The following PLPPR4 variants were observed in gnomAD, a reference collection of about 807,000 sequenced individuals.
The protein encoded by PLPPR4 is phospholipid phosphatase related 4.
A neutral mutation model predicts 56.6 loss-of-function variants in PLPPR4; 24 were observed. That is an observed-to-expected ratio of 0.42 (90% confidence interval 0.31 to 0.60). PLPPR4 has a LOEUF of 0.60. Ranked by LOEUF, PLPPR4 falls within the 20% of genes least tolerant of loss-of-function variation. The probability of loss-of-function intolerance (pLI) is 0.13; values close to 1 mark genes in which losing one functional copy is unlikely to be tolerated. For synonymous variants in PLPPR4, 326 were observed against 328.1 expected, an observed-to-expected ratio of 0.99 and a Z score of 0.07; for missense variants, 654 against 885.8, an observed-to-expected ratio of 0.74 and a Z score of 3.32.
At chr1:99,298,772 A>G (rs1229251712) in intron 3 of PLPPR4, 1 of 603,784 alleles carries the variant, frequency 1.7e-6, no homozygotes, top group Non-Finnish European at 2.9e-6. Context: ...CAAGTGACTT[A>G]CAGTTAATGT....
intron 2 of PLPPR4, 152 bp downstream of exon 2, chr1:99,288,302 A>C: frequency 1.7e-6 from 1 of 598,824 alleles, no homozygotes; most frequent in Admixed American, 3.5e-5. Context: ...TATCATGTGG[A>C]AGTTAATAGC....
Position 99,306,854 on chromosome 1 carries a change from A to C in PLPPR4, c.1992A>C (p.Glu664Asp). ...GCGTCACCCCAGTAGAGGGCAGCGA[A>C]ATTGGCTCAGAGACGCTGTCCATTT... ...TIRVTPVEGS[E>D]IGSETLSISS... Residue 664 changes from glutamate to aspartate, a missense_variant, in exon 7 of 7, where the codon GAA becomes GAC. Around this residue, in one of 2 missense-constraint regions of PLPPR4, gnomAD observed 468 missense variants for 554.3 expected, o/e 0.84. Coordinates refer to ENST00000370185, the MANE Select transcript of PLPPR4 (RefSeq NM_014839.5). This position sits in a 1 kb window ranked among gnomAD's most constrained non-coding sequence, Gnocchi z 4.0. 6.2e-7 allele frequency: 1 copy of C among 1,614,120 alleles called. No homozygotes were observed. Among genetic ancestry groups the C allele is most frequent in the South Asian group, 1.1e-5 (1 of 91,086 alleles).
chr1:99,266,506 C>T (rs774205685), intron 1 of PLPPR4, among the ~76,000 whole-genome samples: 2 of 152,204 alleles, frequency 1.3e-5, no homozygotes, highest in Non-Finnish European at 2.9e-5. Flanking sequence ...CCTCATAATG[C>T]AATTGAATTG....
chr1:99,296,459 C>T (rs978684369), intron 2 of PLPPR4, among the ~76,000 whole-genome samples: 2 of 152,090 alleles, frequency 1.3e-5, no homozygotes, highest in African/African-American at 4.8e-5. Flanking sequence ...TCTGCTCAAT[C>T]CCAAATTGGT....
At chr1:99,287,858 T>G in intron 1 of PLPPR4, 107 bp from the exon 2 acceptor site, 1 of 804,778 alleles carries the variant, frequency 1.2e-6, no homozygotes, top group Non-Finnish European at 2.0e-6. Flanking sequence ...TTTTTAACTC[T>G]GGAATCGGAG....
chr1:99,291,081 T>C (rs920495207), intron 2 of PLPPR4, among the ~76,000 whole-genome samples: 11 of 151,042 alleles, frequency 7.3e-5, no homozygotes, highest in African/African-American at 2.7e-4. Context: ...TGTAAGAAAC[T>C]TAAACAAATT....
In PLPPR4 at chr1:99,301,855, C is replaced by T. The variant is rs766871850; in HGVS notation, c.780C>T (p.Val260=). 1.2e-5 allele frequency: 20 copies of T among 1,611,752 alleles called. No homozygotes were observed. The South Asian group carries it at 1.7e-4, about 13-fold the overall frequency. ...AGTATAAGAACCACCCAGTTGATGT[C>T]TATTGTGGCTTTTTAATAGGAGGAG... ...ITQYKNHPVD[V]YCGFLIGGGI... Residue 260 remains valine (V), a synonymous_variant, in exon 6 of 7, where the codon GTC becomes GTT. Transcript: ENST00000370185.
intron 6 of PLPPR4, among the ~76,000 whole-genome samples, chr1:99,304,490 A>G (rs1047266343): frequency 6.6e-6 from 1 of 152,190 alleles, no homozygotes; most frequent in Non-Finnish European, 1.5e-5. Flanking sequence ...AGTTTAGTGG[A>G]GGATCTTCCC....
rs1340887066 is a variant in PLPPR4 at position 99,308,903 on chromosome 1, G to C, written c.*1893G>C. 1 of 152,496 alleles carries C rather than the reference G, an allele frequency of 6.6e-6. No individual in the cohort carries two copies. The highest frequency in any genetic ancestry group is 1.9e-4 in the East Asian group (1 of 5,198). The allele number at this position is 152,496 out of a possible 1,614,324, so 9.4% of individuals were successfully genotyped here. A position where few individuals can be genotyped will look rare whatever the true frequency, so the allele number is the denominator to read the frequency against. On this transcript the variant is annotated 3_prime_UTR_variant, in exon 7 of 7. Coordinates refer to ENST00000370185, the MANE Select transcript of PLPPR4 (RefSeq NM_014839.5). ...CTGTTTGTAGAGGAAAAGGTGGGCT[G>C]GTTTTAGTACTCTGAAGGACAAAAA... is the stretch of plus-strand genomic sequence containing the variant.
rs769444196 is a variant in PLPPR4 at position 99,301,762 on chromosome 1, T to C, written c.687T>C (p.Leu229=). The C allele has an allele frequency of 1.6e-5, 25 of 1,611,888 alleles. No individual in the cohort carries two copies. In the African/African-American group the frequency reaches 3.2e-4, roughly 21 times the overall value. The change falls in exon 6 of 7, where the codon CTT becomes CTC. Residue 229 remains leucine (L), a synonymous_variant. Coordinates refer to ENST00000370185, the MANE Select transcript of PLPPR4 (RefSeq NM_014839.5). ...FNSTLTDSSK[L]LKPLLVFTFI... Reference sequence around the variant, plus strand: ...CCACATTAACGGATTCCTCTAAGCTTCTGAAACCTCTCTTGGTCTTCACAT... The same window carrying C: ...CCACATTAACGGATTCCTCTAAGCTCCTGAAACCTCTCTTGGTCTTCACAT...
In PLPPR4 at chr1:99,301,800, G is replaced by A. The variant is rs1272108599; in HGVS notation, c.725G>A (p.Gly242Glu). Residue 242 changes from glycine (G) to glutamate (E), a missense_variant, in exon 6 of 7, where the codon GGA (glycine) becomes GAA (glutamate). Gly to Glu is a moderately conservative substitution (Grantham distance 98, BLOSUM62 -2). This residue lies in a region of PLPPR4 where 186 missense variants were observed against 331.4 expected (regional missense o/e 0.56). Transcript: ENST00000370185. ...TTGGTCTTCACATTTATCATCTGTG[G>A]AATAATCTGCGGGCTAACACGGATA... is the stretch of plus-strand genomic sequence containing the variant. ...PLLVFTFIICGIICGLTRITQ... is the reference protein window; with the variant it reads ...PLLVFTFIICEIICGLTRITQ... The A allele has an allele frequency of 6.2e-7, 1 of 1,612,476 alleles. No homozygotes were observed. Among genetic ancestry groups the A allele is most frequent in the Non-Finnish European group, 8.5e-7 (1 of 1,178,872 alleles).
Position 99,264,598 on chromosome 1 carries a change from C to A in PLPPR4, c.5C>A (p.Ser2Ter). 6.4e-7 allele frequency: 1 copy of A among 1,550,812 alleles called. No individual in the cohort carries two copies. The highest frequency in any genetic ancestry group is 8.7e-7 in the Non-Finnish European group (1 of 1,147,024). The change falls in exon 1 of 7, where the codon TCG becomes TAG. Residue 2 changes from serine (S) to a stop codon, truncating the protein, a stop_gained. Transcript: ENST00000370185. LOFTEE classifies it high-confidence loss of function. ...AGACCCGGGCAGGCGGCAGGGATGT[C>A]GGCGAAGGAGAGGCCAAAGGGCAAA... M[S>*]AKERPKGKVI...
intron 1 of PLPPR4, among the ~76,000 whole-genome samples, chr1:99,282,959 A>G (rs1045624384): frequency 1.0e-4 from 15 of 147,644 alleles, no homozygotes; most frequent in African/African-American, 3.7e-4. Context: ...TATATTATAT[A>G]TTATATATGT....
At chr1:99,282,753 C>T (rs908818956) in intron 1 of PLPPR4, among the ~76,000 whole-genome samples, 1 of 151,802 alleles carries the variant, frequency 6.6e-6, no homozygotes, top group Non-Finnish European at 1.5e-5. Flanking sequence ...ATCACTTCCT[C>T]CTTTTGATTA....
chr1:99,283,636 C>A (rs1659385518), intron 1 of PLPPR4, among the ~76,000 whole-genome samples: 1 of 152,184 alleles, frequency 6.6e-6, no homozygotes, highest in African/African-American at 2.4e-5. Context: ...TAATTTCCCT[C>A]CGCTCTATTG....
chr1:99,304,061 T>A (rs1055551747), intron 6 of PLPPR4, among the ~76,000 whole-genome samples: 1 of 152,196 alleles, frequency 6.6e-6, no homozygotes, highest in African/African-American at 2.4e-5. Context: ...TTTCTTCACC[T>A]ACAAAATAAA....
In PLPPR4 at chr1:99,308,277, A is replaced by G. The variant is rs892068417; in HGVS notation, c.*1267A>G. ...AAAAAAAATGCATGTTGGTAAGTAAAAGTATCTCACGGTACAAATTAAGAA... is the reference window on the plus strand; with the variant it reads ...AAAAAAAATGCATGTTGGTAAGTAAGAGTATCTCACGGTACAAATTAAGAA... On this transcript the variant is annotated 3_prime_UTR_variant, in exon 7 of 7. Coordinates refer to ENST00000370185, the MANE Select transcript of PLPPR4 (RefSeq NM_014839.5). 1 of 152,214 alleles carries G rather than the reference A, an allele frequency of 6.6e-6. No homozygotes were observed. The highest frequency in any genetic ancestry group is 1.5e-5 in the Non-Finnish European group (1 of 68,040). 9.4% of individuals were successfully genotyped at this position (152,214 alleles called of 1,614,324 possible).
chr1:99,264,260 G>T, upstream of PLPPR4: 1 of 576,510 alleles, frequency 1.7e-6, no homozygotes, highest in Non-Finnish European at 3.0e-6. Flanking sequence ...TCGCAAGGGC[G>T]GTAGAGAGCT....
intron 2 of PLPPR4, among the ~76,000 whole-genome samples, chr1:99,289,035 T>C (rs1371623016): frequency 2.0e-5 from 3 of 152,170 alleles, no homozygotes. Context: ...AACACACTTT[T>C]AGATAAATCT....
Sources: gnomAD v4.1 joint callset for allele counts (sites outside exome capture counted in the v4.1 genomes callset) on GRCh38, gnomAD v4.1.1 for gene constraint, gnomAD v4.1.1 regional missense constraint, Gnocchi (gnomAD v3.1) non-coding constraint, MANE v1.5 for transcripts, NCBI Gene and HGNC (gene_info 2026-07-23, HGNC 2026-07-21) for gene names.